Variants in MAGI2 observed in about 807,000 individuals in gnomAD.
MAGI2 encodes the protein membrane associated guanylate kinase, WW and PDZ domain containing 2, also known as membrane-associated guanylate kinase, WW and PDZ domain-containing protein 2.
Under a neutral mutation model 133.3 loss-of-function variants are expected in MAGI2, and 35 were observed. The ratio of observed to expected loss-of-function variants is 0.26; its 90% CI spans 0.20 to 0.35. The LOEUF is 0.35. MAGI2 is among the 10% of genes least tolerant of loss of function. The pLI is 1.00. For synonymous variants in MAGI2, 729 were observed against 710.6 expected (o/e 1.03, Z -0.41); for missense variants, 1,636 against 1,863.4 (o/e 0.88, Z 2.25).
chr7:79,318,769 A>G (rs1470159579), intron 1 of MAGI2, among the ~76,000 whole-genome samples: 3 of 152,104 alleles, frequency 2.0e-5, no homozygotes, highest in Non-Finnish European at 4.4e-5. Context: ...AAATAATTAA[A>G]CAAATTTGCT....
intron 16 of MAGI2, among the ~76,000 whole-genome samples, chr7:78,146,622 T>C (rs1428758039): frequency 1.3e-5 from 2 of 152,192 alleles, no homozygotes; most frequent in Non-Finnish European, 2.9e-5. Flanking sequence ...GGGTTAAAAA[T>C]GTTCAATAAA....
intron 10 of MAGI2, among the ~76,000 whole-genome samples, chr7:78,247,186 C>T (rs896713051): frequency 1.3e-5 from 2 of 152,090 alleles, no homozygotes; most frequent in Non-Finnish European, 2.9e-5. Context: ...AAAACATGAT[C>T]AGGACAGTCT....
At chr7:78,501,418 A>G (rs1794610008) in intron 5 of MAGI2, among the ~76,000 whole-genome samples, 159 bp downstream of exon 5, 3 of 151,880 alleles carry the variant, frequency 2.0e-5, no homozygotes, top group Non-Finnish European at 2.9e-5. Flanking sequence ...GCTTAACTGT[A>G]TTAAGGCACT....
intron 6 of MAGI2, among the ~76,000 whole-genome samples, chr7:78,378,852 G>A (rs1206634075): frequency 6.6e-6 from 1 of 151,972 alleles, no homozygotes; most frequent in African/African-American, 2.4e-5. Flanking sequence ...ATATGTAAAT[G>A]TCTTATATTG....
chr7:78,138,625 T>TCACACATA (rs1491145483), intron 16 of MAGI2, among the ~76,000 whole-genome samples: 4,685 of 129,358 alleles, frequency 0.036, 173 homozygotes, highest in Admixed American at 0.055. Flanking sequence ...AAACATAGAT[T>TCACACATA]CACACACACA....
At chr7:78,492,691 T>C (rs552547693) in intron 5 of MAGI2, among the ~76,000 whole-genome samples, 1 of 152,318 alleles carries the variant, frequency 6.6e-6, no homozygotes, top group Non-Finnish European at 1.5e-5. Context: ...TTTCAGTTCC[T>C]AGCTAGGGCA....
intron 2 of MAGI2, among the ~76,000 whole-genome samples, chr7:78,631,983 G>A (rs1340795691): frequency 6.6e-6 from 1 of 152,062 alleles, no homozygotes; most frequent in Non-Finnish European, 1.5e-5. Context: ...GGAACAAATG[G>A]GATAATTCAT....
chr7:78,206,380 C>A (rs1318145781), intron 10 of MAGI2, among the ~76,000 whole-genome samples: 1 of 151,548 alleles, frequency 6.6e-6, no homozygotes, highest in Non-Finnish European at 1.5e-5. Flanking sequence ...CAACCTCCGC[C>A]TCCCGGGTTC....
intron 3 of MAGI2, among the ~76,000 whole-genome samples, chr7:78,570,875 T>C (rs1801428587): frequency 6.6e-6 from 1 of 152,194 alleles, no homozygotes; most frequent in African/African-American, 2.4e-5. Flanking sequence ...AAATTCAATG[T>C]CTGTGATGGT....
chr7:79,153,968 C>T (rs1436333229), intron 1 of MAGI2, among the ~76,000 whole-genome samples: 2 of 152,120 alleles, frequency 1.3e-5, no homozygotes, highest in Non-Finnish European at 2.9e-5. Context: ...TATGCCATCA[C>T]TTGGGCCAAT....
At chr7:78,921,643 T>A (rs1433531491) in intron 2 of MAGI2, among the ~76,000 whole-genome samples, 1 of 152,170 alleles carries the variant, frequency 6.6e-6, no homozygotes, top group South Asian at 2.1e-4. Flanking sequence ...TTTTTTTTTT[T>A]TCTATTGAGA....
intron 2 of MAGI2, among the ~76,000 whole-genome samples, chr7:78,888,635 C>G (rs1232869362): frequency 6.6e-6 from 1 of 152,190 alleles, no homozygotes; most frequent in Non-Finnish European, 1.5e-5. Flanking sequence ...GAGTGGACCT[C>G]CAGCAAACTC....
intron 1 of MAGI2, among the ~76,000 whole-genome samples, chr7:79,202,654 T>A (rs1367689101): frequency 2.0e-5 from 3 of 152,008 alleles, no homozygotes; most frequent in African/African-American, 7.3e-5. Context: ...GAAACGTTTA[T>A]TTGGGAAAAT....
Position 79,453,580 on chromosome 7 carries a change from C to A in MAGI2, c.-260G>T. 1 of 1,187,702 alleles carries A rather than the reference C, an allele frequency of 8.4e-7. No individual in the cohort carries two copies. The highest frequency in any genetic ancestry group is 1.0e-6 in the Non-Finnish European group (1 of 959,460). The allele number at this position is 1,187,702 out of a possible 1,614,324, so 73.6% of individuals were successfully genotyped here. On this transcript the variant is annotated 5_prime_UTR_variant, in exon 1 of 22. Coordinates refer to ENST00000354212, the MANE Select transcript of MAGI2 (RefSeq NM_012301.4). ...CTTGAATGACACTCAAGGCTGTGGCCCCGCAGCAGAGGAAGCAGTGGTGGT... is the reference window on the plus strand; with the variant it reads ...CTTGAATGACACTCAAGGCTGTGGCACCGCAGCAGAGGAAGCAGTGGTGGT...
intron 3 of MAGI2, among the ~76,000 whole-genome samples, chr7:78,601,642 C>T (rs1313809795): frequency 6.6e-6 from 1 of 151,968 alleles, no homozygotes; most frequent in East Asian, 1.9e-4. Context: ...AATTTGTGAG[C>T]TTTGTGGGTA....
chr7:78,293,518 A>T (rs572872004), intron 9 of MAGI2, among the ~76,000 whole-genome samples: 7 of 152,320 alleles, frequency 4.6e-5, no homozygotes, highest in South Asian at 4.1e-4. Flanking sequence ...ATTGTGGAAG[A>T]CAGTGTGGCG....
intron 1 of MAGI2, among the ~76,000 whole-genome samples, chr7:79,020,325 T>C (rs1362291982): frequency 6.6e-6 from 1 of 152,208 alleles, no homozygotes; most frequent in African/African-American, 2.4e-5. Context: ...TGTTATGTAT[T>C]CACAAAAATA....
At chr7:78,461,312 T>C (rs1789963893) in intron 6 of MAGI2, among the ~76,000 whole-genome samples, 1 of 152,054 alleles carries the variant, frequency 6.6e-6, no homozygotes, top group Admixed American at 6.5e-5. Context: ...TGGTTTACAT[T>C]TTGGTGAGTA....
intron 2 of MAGI2, among the ~76,000 whole-genome samples, chr7:78,886,837 G>A (rs1367642182): frequency 1.3e-5 from 2 of 152,138 alleles, no homozygotes; most frequent in Non-Finnish European, 2.9e-5. Flanking sequence ...TGGTTTGGCT[G>A]TATCCCCAGT....
Sources: gnomAD v4.1 joint callset for allele counts (sites outside exome capture counted in the v4.1 genomes callset) on GRCh38, gnomAD v4.1.1 for gene constraint, MANE v1.5 for transcripts, NCBI Gene and HGNC (gene_info 2026-07-23, HGNC 2026-07-21) for gene names.